WDPCP: variants seen among roughly 807,000 people sequenced by gnomAD.
The protein encoded by WDPCP is WD repeat-containing and planar cell polarity effector protein fritz homolog.
Under a neutral mutation model 93.1 loss-of-function variants are expected in WDPCP, and 71 were observed. The observed-to-expected ratio is 0.76, with a 90% confidence interval of 0.63 to 0.93. The LOEUF is 0.93. Among genes scored for constraint, WDPCP ranks in the 40% least tolerant of loss-of-function variants. The pLI is 0.00. For synonymous variants in WDPCP, 315 were observed against 315.0 expected (o/e 1.00, Z 0.00); for missense variants, 844 against 887.4 (o/e 0.95, Z 0.62).
At chr2:63,352,982 TG>T (rs1309253580) in intron 12 of WDPCP, among the ~76,000 whole-genome samples, 1 of 152,132 alleles carries the variant, frequency 6.6e-6, no homozygotes, top group Non-Finnish European at 1.5e-5. Context: ...AAAAAAATCA[TG>T]GTTGTATACT....
chr2:63,138,644 G>A (rs1218280803), intron 17 of WDPCP, among the ~76,000 whole-genome samples: 1 of 151,846 alleles, frequency 6.6e-6, no homozygotes, highest in Non-Finnish European at 1.5e-5. Flanking sequence ...AGTAGAGATG[G>A]GGTTTCACCA....
At chr2:63,580,274 T>C (rs1032031115) in intron 1 of WDPCP, among the ~76,000 whole-genome samples, 1 of 152,156 alleles carries the variant, frequency 6.6e-6, no homozygotes, top group Non-Finnish European at 1.5e-5. Flanking sequence ...TAATAATTGA[T>C]TCAGGCAAAA....
intron 17 of WDPCP, among the ~76,000 whole-genome samples, chr2:63,125,936 CTTTT>C (rs757992440): frequency 2.4e-5 from 3 of 123,186 alleles, no homozygotes; most frequent in Non-Finnish European, 3.5e-5. Context: ...TTTACACAAG[CTTTT>C]TTTTTTTTTT....
intron 1 of WDPCP, among the ~76,000 whole-genome samples, chr2:63,530,151 C>T (rs151205926): frequency 4.9e-4 from 75 of 152,264 alleles, no homozygotes; most frequent in Non-Finnish European, 9.1e-4. Flanking sequence ...AAAAAACCAG[C>T]TCCTGGATTC....
At chr2:63,808,532 CG>C (rs991065335) in intron 2 of WDPCP, among the ~76,000 whole-genome samples, 2 of 152,200 alleles carry the variant, frequency 1.3e-5, no homozygotes, top group Non-Finnish European at 2.9e-5. Context: ...TTGGTGGAGA[CG>C]GGGTTTCGCT....
intron 1 of WDPCP, among the ~76,000 whole-genome samples, chr2:63,513,641 T>C (rs1432970600): frequency 1.3e-5 from 2 of 152,158 alleles, no homozygotes; most frequent in East Asian, 3.8e-4. Flanking sequence ...ACTATCTCCT[T>C]TCTCTCTTGA....
intron 15 of WDPCP, among the ~76,000 whole-genome samples, chr2:63,155,903 T>A (rs943917202): frequency 6.6e-6 from 1 of 152,232 alleles, no homozygotes; most frequent in African/African-American, 2.4e-5. Context: ...TGATCAGAAT[T>A]TTATCAAATC....
chr2:63,682,953 T>C (rs149885801), intron 2 of WDPCP, among the ~76,000 whole-genome samples: 695 of 152,218 alleles, frequency 4.6e-3, no homozygotes, highest in South Asian at 7.0e-3. Context: ...AGCAGAGAAA[T>C]GAAGTTATAG....
chr2:63,361,729 T>G (rs764565932), intron 12 of WDPCP, among the ~76,000 whole-genome samples: 27 of 152,278 alleles, frequency 1.8e-4, no homozygotes, highest in Admixed American at 1.5e-3. Flanking sequence ...TTTCTTTATT[T>G]GGTTTTTGCA....
intron 2 of WDPCP, among the ~76,000 whole-genome samples, chr2:63,681,085 G>A (rs567902334): frequency 2.0e-5 from 3 of 152,216 alleles, no homozygotes; most frequent in African/African-American, 4.8e-5. Context: ...GAGATGTACC[G>A]GCTTCAGGTG....
chr2:63,399,577 T>C (rs187673949), intron 10 of WDPCP, among the ~76,000 whole-genome samples: 7 of 73,862 alleles, frequency 9.5e-5, no homozygotes, highest in Non-Finnish European at 1.5e-4. Flanking sequence ...AAAGGAGAGA[T>C]TGAGAGAGAG....
chr2:63,182,885 G>C (rs1301558446), intron 14 of WDPCP, among the ~76,000 whole-genome samples: 1 of 146,460 alleles, frequency 6.8e-6, no homozygotes, highest in Non-Finnish European at 1.5e-5. Context: ...GTGGTTTTAT[G>C]TTTCCAGGAA....
At chr2:63,267,374 A>C (rs1682225575) in intron 13 of WDPCP, among the ~76,000 whole-genome samples, 1 of 152,218 alleles carries the variant, frequency 6.6e-6, no homozygotes, top group Admixed American at 6.5e-5. Flanking sequence ...TATGTTAAGC[A>C]CAAGACTTGA....
At chr2:63,375,656 A>G (rs1362486952) in intron 12 of WDPCP, among the ~76,000 whole-genome samples, 1 of 151,952 alleles carries the variant, frequency 6.6e-6, no homozygotes, top group Non-Finnish European at 1.5e-5. Flanking sequence ...AGTGTAAAGC[A>G]ATGTCTATAG....
chr2:63,595,573 C>T (rs1216513493), intron 3 of WDPCP: 3 of 1,182,752 alleles, frequency 2.5e-6, no homozygotes, highest in South Asian at 2.5e-5. Flanking sequence ...TTACAAAATA[C>T]AGGTTTTAGG....
At chr2:63,347,371 A>G (rs565730568) in intron 12 of WDPCP, among the ~76,000 whole-genome samples, 1 of 152,296 alleles carries the variant, frequency 6.6e-6, no homozygotes, top group South Asian at 2.1e-4. Flanking sequence ...ACAATTATTT[A>G]TTATCTGAAA....
intron 6 of WDPCP, among the ~76,000 whole-genome samples, chr2:63,477,369 TA>T: frequency 6.6e-6 from 1 of 152,094 alleles, no homozygotes. Context: ...CTGGTAAAAC[TA>T]AAACTATATA....
At chr2:63,289,614 T>A (rs1174326124) in intron 13 of WDPCP, among the ~76,000 whole-genome samples, 1 of 152,044 alleles carries the variant, frequency 6.6e-6, no homozygotes, top group African/African-American at 2.4e-5. Context: ...GAATATGCCA[T>A]GTAGATTTGA....
intron 14 of WDPCP, among the ~76,000 whole-genome samples, chr2:63,175,830 C>T (rs1574802697): frequency 6.6e-6 from 1 of 151,770 alleles, no homozygotes; most frequent in African/African-American, 2.4e-5. Flanking sequence ...TTTCCATTCT[C>T]TATCTATTGA....
Sources: gnomAD v4.1 joint callset for allele counts (sites outside exome capture counted in the v4.1 genomes callset) on GRCh38, gnomAD v4.1.1 for gene constraint, MANE v1.5 for transcripts, NCBI Gene and HGNC (gene_info 2026-07-23, HGNC 2026-07-21) for gene names.